Variants in MTDH observed in about 807,000 individuals in gnomAD.
MTDH encodes the protein protein LYRIC.
In MTDH, 34 loss-of-function variants were observed where a neutral mutation model predicts 72.7. That is an observed-to-expected ratio of 0.47 (90% CI 0.36 to 0.62). The LOEUF (loss-of-function observed/expected upper bound fraction) is 0.62, where lower values mean the gene tolerates loss of function less well. Among genes scored for constraint, MTDH ranks in the 20% least tolerant of loss-of-function variants. MTDH has a pLI of 0.00. For missense variants in MTDH, 677 were observed against 699.4 expected (o/e 0.97, Z 0.36); for synonymous variants, 266 against 268.9 (o/e 0.99, Z 0.10).
At chr8:97,716,793 C>G (rs118110631) in intron 9 of MTDH, among the ~76,000 whole-genome samples, 1 of 152,166 alleles carries the variant, frequency 6.6e-6, no homozygotes, top group South Asian at 2.1e-4. Flanking sequence ...CAGCCTCAAC[C>G]TCCTGGGCTG....
intron 8 of MTDH, among the ~76,000 whole-genome samples, chr8:97,710,966 C>T (rs1814605551): frequency 6.6e-6 from 1 of 152,036 alleles, no homozygotes; most frequent in Admixed American, 6.6e-5. Flanking sequence ...CACCATTGCA[C>T]TCCAGCCTTG....
chr8:97,706,227 C>T (rs1180270909), intron 7 of MTDH, among the ~76,000 whole-genome samples: 1 of 152,124 alleles, frequency 6.6e-6, no homozygotes, highest in Non-Finnish European at 1.5e-5. Context: ...TTTGGTACTA[C>T]TGTTAAGAAT....
intron 2 of MTDH, among the ~76,000 whole-genome samples, chr8:97,665,539 G>C (rs2130943446): frequency 6.6e-6 from 1 of 152,308 alleles, no homozygotes; most frequent in African/African-American, 2.4e-5. Flanking sequence ...TGGATATTCA[G>C]AGGAGAAAGG....
chr8:97,710,735 C>T (rs1814596812), intron 8 of MTDH, among the ~76,000 whole-genome samples: 1 of 148,188 alleles, frequency 6.7e-6, no homozygotes, highest in African/African-American at 2.5e-5. Context: ...CGCGGTGGTT[C>T]ACGCCTGTAA....
intron 2 of MTDH, among the ~76,000 whole-genome samples, chr8:97,668,256 C>T (rs117734131): frequency 0.011 from 1,643 of 152,144 alleles, 18 homozygotes; most frequent in Non-Finnish European, 0.017. Context: ...CACTATACTC[C>T]AGCCTGGGCG....
intron 2 of MTDH, among the ~76,000 whole-genome samples, chr8:97,672,561 A>G (rs143393927): frequency 8.5e-5 from 13 of 152,334 alleles, no homozygotes; most frequent in Non-Finnish European, 1.6e-4. Context: ...TTATCCCTCT[A>G]GACTTTTCTG....
intron 2 of MTDH, among the ~76,000 whole-genome samples, chr8:97,667,495 A>G (rs181823703): frequency 9.5e-4 from 145 of 152,336 alleles, no homozygotes; most frequent in Middle Eastern, 3.4e-3. Context: ...CACTTATGCA[A>G]TGGCTTGTGT....
intron 2 of MTDH, among the ~76,000 whole-genome samples, chr8:97,681,198 A>G (rs1465625506): frequency 6.6e-6 from 1 of 152,148 alleles, no homozygotes; most frequent in Non-Finnish European, 1.5e-5. Flanking sequence ...GGTGCAAAGA[A>G]AATCACTCCA....
chr8:97,675,576 AAAATTAC>A (rs1376427583), intron 2 of MTDH, among the ~76,000 whole-genome samples: 2 of 148,478 alleles, frequency 1.3e-5, no homozygotes, highest in Non-Finnish European at 1.5e-5. Context: ...AAAAAAAAAA[AAAATTAC>A]ATTCAGGGCC....
At chr8:97,706,223 A>G (rs1232713976) in intron 7 of MTDH, among the ~76,000 whole-genome samples, 1 of 152,220 alleles carries the variant, frequency 6.6e-6, no homozygotes, top group African/African-American at 2.4e-5. Flanking sequence ...TAACTTTGGT[A>G]CTACTGTTAA....
chr8:97,659,130 G>A (rs866444352), intron 1 of MTDH, among the ~76,000 whole-genome samples: 2 of 147,304 alleles, frequency 1.4e-5, no homozygotes, highest in African/African-American at 2.7e-5. Context: ...GCAACAGAGC[G>A]AGACTGCGTC....
intron 1 of MTDH, among the ~76,000 whole-genome samples, chr8:97,646,234 A>G (rs971070734): frequency 1.4e-4 from 22 of 152,232 alleles, no homozygotes; most frequent in Non-Finnish European, 5.9e-5. Flanking sequence ...TTAGTGCATT[A>G]TGAGGCCTGG....
chr8:97,714,598 C>G (rs1161556526), intron 9 of MTDH, among the ~76,000 whole-genome samples: 1 of 149,212 alleles, frequency 6.7e-6, no homozygotes, highest in Non-Finnish European at 1.5e-5. Context: ...GAGTAAGAAC[C>G]TGTCTCAAAA....
chr8:97,687,790 T>TA (rs1251585247), intron 4 of MTDH, among the ~76,000 whole-genome samples, 185 bp downstream of exon 4: 1 of 152,224 alleles, frequency 6.6e-6, no homozygotes, highest in Admixed American at 6.5e-5. Context: ...TGTTACTTGT[T>TA]ACGTATTGCC....
In MTDH at chr8:97,644,862, G is replaced by A; in HGVS notation, c.356G>A (p.Arg119Gln). ...LRSEEQKKKN[R>Q]KKLSEKPKPN... ...AGCGAGGAACAGAAGAAGAAGAACCGGAAGAAACTGTCCGAGAAGCCCAAA... is the reference window on the plus strand; with the variant it reads ...AGCGAGGAACAGAAGAAGAAGAACCAGAAGAAACTGTCCGAGAAGCCCAAA... Residue 119 changes from arginine (R) to glutamine (Q), a missense_variant, in exon 1 of 12, where the codon CGG (arginine) becomes CAG (glutamine). Around this residue, in one of 3 missense-constraint regions of MTDH, gnomAD observed 467 missense variants for 469.1 expected, o/e 1.00. Transcript: ENST00000336273. The A allele has an allele frequency of 6.4e-7, 1 of 1,569,754 alleles. No individual in the cohort carries two copies. The highest frequency in any genetic ancestry group is 8.6e-7 in the Non-Finnish European group (1 of 1,166,636).
chr8:97,717,251 A>G (rs1013156172), intron 9 of MTDH, among the ~76,000 whole-genome samples: 1 of 152,238 alleles, frequency 6.6e-6, no homozygotes, highest in Non-Finnish European at 1.5e-5. Flanking sequence ...CATCTTAGCC[A>G]TTTGTTAAAA....
At chr8:97,656,133 C>T (rs1284899366) in intron 1 of MTDH, among the ~76,000 whole-genome samples, 12 of 151,912 alleles carry the variant, frequency 7.9e-5, no homozygotes, top group Admixed American at 7.9e-4. Flanking sequence ...CATGTTGTGG[C>T]TAGAAATACA....
chr8:97,723,001 A>G lies in MTDH; in HGVS notation c.1644A>G (p.Ser548=). The G allele has an allele frequency of 1.2e-6, 2 of 1,614,144 alleles. No homozygotes were observed. Among genetic ancestry groups the G allele is most frequent in the Non-Finnish European group, 1.7e-6 (2 of 1,180,000 alleles). Reference sequence around the variant, plus strand: ...TACAAGAGACAGATAAATCCAAGTCAAATACCAAGCAAAATAGTGTGCCTC... The same window carrying G: ...TACAAGAGACAGATAAATCCAAGTCGAATACCAAGCAAAATAGTGTGCCTC... ...PILQETDKSK[S]NTKQNSVPPS... The change falls in exon 11 of 12, where the codon TCA becomes TCG. Residue 548 remains serine (S), a synonymous_variant. Transcript: ENST00000336273.
In MTDH at chr8:97,709,193, C is replaced by CA. The variant is rs56931322; in HGVS notation, c.1272+2459dup. Among the ~76,000 whole-genome samples, 558 of 74,674 alleles carry CA rather than the reference C, an allele frequency of 7.5e-3. 3 individuals are homozygous for CA. Among genetic ancestry groups the CA allele is most frequent in the South Asian group, 0.015 (28 of 1,846 alleles). 49.0% of individuals were successfully genotyped at this position (74,674 alleles called of 152,430 possible). On this transcript the variant is annotated intron_variant, in intron 8 of 11. Transcript: ENST00000336273. ...TGGACAACATAGCGAGACTCCATCT[C>CA]AAAAAAAAAAAAAAAACCACCAGAT...
Sources: allele counts gnomAD v4.1 joint callset (sites outside exome capture counted in the v4.1 genomes callset), GRCh38; gene constraint gnomAD v4.1.1; regional missense constraint gnomAD v4.1.1; transcripts MANE v1.5; gene names NCBI Gene and HGNC (gene_info 2026-07-23, HGNC 2026-07-21).